The following GC variants were observed in gnomAD, a reference collection of about 807,000 sequenced individuals.
GC encodes the protein vitamin D-binding protein.
A neutral mutation model predicts 56.7 loss-of-function variants in GC; 43 were observed. The observed-to-expected ratio is 0.76, with a 90% CI of 0.59 to 0.98. The LOEUF (loss-of-function observed/expected upper bound fraction) is 0.98. Ranked by LOEUF, GC falls within the 50% of genes least tolerant of loss-of-function variation. GC has a pLI of 0.00. For missense variants in GC, 529 were observed against 545.9 expected (o/e 0.97, Z 0.31); for synonymous variants, 216 against 202.7 (o/e 1.07, Z -0.56).
intron 2 of GC, among the ~76,000 whole-genome samples, chr4:71,768,865 G>GA (rs1177444115): frequency 1.3e-5 from 2 of 152,040 alleles, no homozygotes; most frequent in Non-Finnish European, 2.9e-5. Flanking sequence ...TTTGGCTAAT[G>GA]AAAAAAATGA....
At chr4:71,754,704 T>C (rs560769002) in intron 9 of GC, among the ~76,000 whole-genome samples, 196 bp from the exon 10 acceptor site, 1 of 152,310 alleles carries the variant, frequency 6.6e-6, no homozygotes, top group East Asian at 1.9e-4. Context: ...ACAGAAGCAG[T>C]TGTAAGCTTT....
chr4:71,758,192 A>T (rs1421539618), intron 6 of GC, 21 bp from the exon 7 acceptor site: 1 of 1,599,662 alleles, frequency 6.3e-7, no homozygotes, highest in Non-Finnish European at 8.5e-7. Flanking sequence ...AAAAATAAAT[A>T]TGTTAGCTTA....
rs1741796034 is a variant in GC, at chr4:71,756,908, C to T, written c.838G>A (p.Glu280Lys). The T allele has an allele frequency of 1.2e-6, 2 of 1,606,714 alleles. No homozygotes were observed. Among genetic ancestry groups the T allele is most frequent in the African/African-American group, 1.3e-5 (1 of 74,908 alleles). ...TTGTCACAGAGTTTTACTGTGTGTTCAGGCAGCTACAAAACGAATGGTTAG... is the reference window on the plus strand; with the variant it reads ...TTGTCACAGAGTTTTACTGTGTGTTTAGGCAGCTACAAAACGAATGGTTAG... Reference protein sequence around the residue: ...SEDCMAKELPEHTVKLCDNLS... With the variant: ...SEDCMAKELPKHTVKLCDNLS... Residue 280 changes from glutamate to lysine, a missense_variant, in exon 8 of 13, where the codon GAA becomes AAA. Physicochemically the swap from Glu to Lys is moderately conservative, Grantham distance 56 (BLOSUM62 1). Coordinates refer to ENST00000273951, the MANE Select transcript of GC (RefSeq NM_000583.4).
intron 1 of GC, among the ~76,000 whole-genome samples, chr4:71,802,574 C>A (rs1743277255): frequency 6.6e-6 from 1 of 152,200 alleles, no homozygotes; most frequent in South Asian, 2.1e-4. Context: ...GTTGAAAATG[C>A]ATTTAATACT....
intron 1 of GC, among the ~76,000 whole-genome samples, chr4:71,794,019 C>A (rs1743034224): frequency 6.6e-6 from 1 of 152,136 alleles, no homozygotes; most frequent in African/African-American, 2.4e-5. Flanking sequence ...CTTGATCATG[C>A]TGGATAAGCT....
exon 1 of GC, chr4:71,803,965 G>C (rs1560719083): frequency 6.8e-7 from 1 of 1,469,268 alleles, no homozygotes; most frequent in Non-Finnish European, 9.2e-7. Flanking sequence ...AGTTGGACTA[G>C]TCCAGATCAT....
chr4:71,803,917 A>G, intron 1 of GC: 1 of 1,476,610 alleles, frequency 6.8e-7, no homozygotes, highest in African/African-American at 1.4e-5. Flanking sequence ...TGGAATTAGA[A>G]CGCAGTACCT....
rs1193260553 is a variant in GC at position 71,758,093 on chromosome 4, G to A, written c.780C>T (p.Asn260=). The change falls in exon 7 of 13, where the codon AAC becomes AAT. Residue 260 remains asparagine (N), a synonymous_variant. Transcript: ENST00000273951. ...CAGACTCACAGCATTTGGAGAGGAT[G>A]TTAGTAATATCTTCAGCTAGTGGCA... ...DVLPLAEDIT[N]ILSKCCESAS... is the part of the protein sequence containing the mutation. 6.2e-7 allele frequency: 1 copy of A among 1,613,280 alleles called. No homozygotes were observed. Among genetic ancestry groups the A allele is most frequent in the Non-Finnish European group, 8.5e-7 (1 of 1,179,422 alleles).
chr4:71,778,071 A>C (rs1322049432), intron 1 of GC, among the ~76,000 whole-genome samples: 1 of 151,878 alleles, frequency 6.6e-6, no homozygotes, highest in South Asian at 2.1e-4. Context: ...CCCACATAGG[A>C]ATTCAGCTGC....
chr4:71,758,301 C>T, intron 6 of GC, 130 bp from the exon 7 acceptor site: 1 of 714,016 alleles, frequency 1.4e-6, no homozygotes, highest in Non-Finnish European at 2.4e-6. Flanking sequence ...CATGGGAGCA[C>T]ATCTGCCATG....
At chr4:71,773,877 A>G (rs1257732428) in intron 1 of GC, among the ~76,000 whole-genome samples, 2 of 152,030 alleles carry the variant, frequency 1.3e-5, no homozygotes, top group East Asian at 1.9e-4. Flanking sequence ...AGACTCATCC[A>G]TGTCAGAAAA....
At chr4:71,794,916 C>G (rs561476860) in intron 1 of GC, among the ~76,000 whole-genome samples, 1 of 152,102 alleles carries the variant, frequency 6.6e-6, no homozygotes, top group South Asian at 2.1e-4. Context: ...TCGTTATTTA[C>G]CCAGTAGTCA....
At chr4:71,800,783 T>G (rs1172277174) in intron 1 of GC, among the ~76,000 whole-genome samples, 1 of 152,218 alleles carries the variant, frequency 6.6e-6, no homozygotes, top group Non-Finnish European at 1.5e-5. Flanking sequence ...CCGACTGGCA[T>G]GTGATGGTAT....
At chr4:71,793,955 C>T (rs763716728) in intron 1 of GC, among the ~76,000 whole-genome samples, 4 of 152,130 alleles carry the variant, frequency 2.6e-5, no homozygotes, top group South Asian at 2.1e-4. Context: ...CGATGGATTA[C>T]GTTTATTGAT....
At position 71,744,303 on chromosome 4, in the gene GC, A is replaced by C. The variant is rs1286569550; in HGVS notation, c.*25+1848T>G. Among the ~76,000 whole-genome samples the C allele has an allele frequency of 2.7e-5, 4 of 146,696 alleles. No homozygotes were observed. In the East Asian group the frequency reaches 5.9e-4, roughly 22 times the overall value. ...TAAAAATACAAAAAAAAAAAAAAAA[A>C]CCCAAATTAGCTGGGCGTGGTGGCG... is the stretch of plus-strand genomic sequence containing the variant. On this transcript the variant is annotated intron_variant, in intron 12 of 12. Coordinates refer to ENST00000273951, the MANE Select transcript of GC (RefSeq NM_000583.4).
chr4:71,780,088 C>G (rs183145514), intron 1 of GC, among the ~76,000 whole-genome samples: 1 of 152,020 alleles, frequency 6.6e-6, no homozygotes, highest in Non-Finnish European at 1.5e-5. Context: ...AGCTGTGTCA[C>G]GACCCTCTGA....
At chr4:71,756,022 G>A (rs529719550) in intron 8 of GC, among the ~76,000 whole-genome samples, 1 of 152,048 alleles carries the variant, frequency 6.6e-6, no homozygotes, top group South Asian at 2.1e-4. Flanking sequence ...CTTTTTTTTA[G>A]TTGGATGAAA....
chr4:71,743,524 G>A (rs2149291290), intron 12 of GC, among the ~76,000 whole-genome samples: 1 of 152,282 alleles, frequency 6.6e-6, no homozygotes, highest in East Asian at 1.9e-4. Context: ...CTAGGATTGT[G>A]TTATTTTGGG....
chr4:71,804,180 T>C (rs138739543), upstream of GC: 18 of 559,270 alleles, frequency 3.2e-5, no homozygotes, highest in Middle Eastern at 4.2e-4. Flanking sequence ...GTATGCAGTG[T>C]AAAAGCAGCT....
Sources: gnomAD v4.1 joint callset for allele counts (sites outside exome capture counted in the v4.1 genomes callset) on GRCh38, gnomAD v4.1.1 for gene constraint, MANE v1.5 for transcripts, NCBI Gene and HGNC (gene_info 2026-07-23, HGNC 2026-07-21) for gene names.